The following CD72 variants were observed in gnomAD, a reference collection of about 807,000 sequenced individuals.
CD72 encodes the protein CD72 molecule.
Under a neutral mutation model 50.7 loss-of-function variants are expected in CD72, and 28 were observed. The ratio of observed to expected loss-of-function variants is 0.55; its 90% CI spans 0.41 to 0.76. The LOEUF (loss-of-function observed/expected upper bound fraction) is 0.76. Ranked by LOEUF, CD72 falls within the 30% of genes least tolerant of loss-of-function variation. The probability of loss-of-function intolerance (pLI) is 0.00; values close to 1 mark genes in which losing one functional copy is unlikely to be tolerated. For missense variants in CD72, 403 were observed against 420.6 expected, an observed-to-expected ratio of 0.96 and a Z score of 0.37; for synonymous variants, 176 against 171.2, an observed-to-expected ratio of 1.03 and a Z score of -0.22.
At chr9:35,630,701 T>C (rs2131781719) in intron 1 of CD72, among the ~76,000 whole-genome samples, 1 of 152,312 alleles carries the variant, frequency 6.6e-6, no homozygotes, top group East Asian at 1.9e-4. Flanking sequence ...TTTTACCAGC[T>C]ATTAATAGTA....
intron 1 of CD72, among the ~76,000 whole-genome samples, chr9:35,632,132 A>G (rs929072985): frequency 1.3e-5 from 2 of 151,734 alleles, no homozygotes; most frequent in African/African-American, 2.4e-5. Flanking sequence ...TAAATTTTCA[A>G]ATTGGTTGAT....
chr9:35,618,809 C>T, upstream of CD72: 7 of 1,280,068 alleles, frequency 5.5e-6, no homozygotes, highest in Non-Finnish European at 7.1e-6. Context: ...TCCTGGTTTG[C>T]ATCCCTCGCT....
At position 35,643,715 on chromosome 9, in the gene CD72, C is replaced by T. The variant is rs553914405; in HGVS notation, n.408+2688G>A. 4.6e-5 allele frequency among the ~76,000 whole-genome samples: 7 copies of T among 152,254 alleles called. 1 individual carries two copies. The highest frequency in any genetic ancestry group is 9.6e-5 in the African/African-American group (4 of 41,550). ...AGAAGGGGCCGGGCTGGGTAACTCA[C>T]GCCTGTAATCCCAACACTTTTGGAG... On this transcript the variant is annotated intron_variant and non_coding_transcript_variant, in intron 1 of 3. Coordinates refer to the CD72 transcript ENST00000465754.
chr9:35,644,170 C>A (rs1441039041), intron 1 of CD72, among the ~76,000 whole-genome samples: 1 of 150,886 alleles, frequency 6.6e-6, no homozygotes, highest in African/African-American at 2.4e-5. Context: ...CATGGTGAAA[C>A]CCCATCTCTA....
At chr9:35,615,309 G>A (rs1029445081) in intron 5 of CD72, among the ~76,000 whole-genome samples, 2 of 152,152 alleles carry the variant, frequency 1.3e-5, no homozygotes, top group Non-Finnish European at 2.9e-5. Context: ...CCCCTTAGGC[G>A]TGGCACCTTG....
chr9:35,624,140 A>C (rs2131776536), upstream of CD72, among the ~76,000 whole-genome samples: 1 of 151,572 alleles, frequency 6.6e-6, no homozygotes, highest in East Asian at 1.9e-4. Flanking sequence ...TGAACCTGGG[A>C]GGCGGAGGTT....
chr9:35,641,904 TTCTC>T (rs903389140), intron 1 of CD72, among the ~76,000 whole-genome samples: 1 of 152,200 alleles, frequency 6.6e-6, no homozygotes, highest in Non-Finnish European at 1.5e-5. Context: ...GGAATTCCCT[TTCTC>T]TCCATACTGC....
At chr9:35,630,571 T>G (rs1823236132) in intron 1 of CD72, among the ~76,000 whole-genome samples, 1 of 152,220 alleles carries the variant, frequency 6.6e-6, no homozygotes, top group Non-Finnish European at 1.5e-5. Context: ...CTGTATAACT[T>G]TATTCATATG....
At chr9:35,629,745 G>A (rs775570283) in intron 1 of CD72, among the ~76,000 whole-genome samples, 3 of 152,178 alleles carry the variant, frequency 2.0e-5, no homozygotes, top group Non-Finnish European at 4.4e-5. Flanking sequence ...CGAATGTCCT[G>A]CCACAGAAGG....
intron 2 of CD72, among the ~76,000 whole-genome samples, 166 bp from the exon 3 acceptor site, chr9:35,617,413 C>G (rs532608746): frequency 1.4e-3 from 216 of 152,236 alleles, no homozygotes; most frequent in Non-Finnish European, 2.4e-3. Context: ...CTCCTCTGCC[C>G]GGGACTCTCT....
intron 1 of CD72, among the ~76,000 whole-genome samples, chr9:35,630,039 T>TTC (rs1554649318): frequency 2.7e-5 from 4 of 149,022 alleles, no homozygotes; most frequent in Non-Finnish European, 6.0e-5. Context: ...TTCTTTTCTT[T>TTC]TTTTTTTTTT....
chr9:35,614,014 G>T (rs947136505), intron 5 of CD72, among the ~76,000 whole-genome samples: 1 of 147,400 alleles, frequency 6.8e-6, no homozygotes, highest in African/African-American at 2.5e-5. Context: ...GCGAGACTCC[G>T]CCTCAAAAAA....
chr9:35,618,783 C>T, upstream of CD72: 1 of 1,288,236 alleles, frequency 7.8e-7, no homozygotes, highest in Non-Finnish European at 1.0e-6. Flanking sequence ...TCCGTTCTCC[C>T]CATGAGACTG....
intron 6 of CD72, among the ~76,000 whole-genome samples, chr9:35,612,231 A>G (rs546516258): frequency 4.6e-5 from 7 of 152,334 alleles, no homozygotes; most frequent in African/African-American, 1.4e-4. Flanking sequence ...AGAGGCCACA[A>G]GAGTCCAGGA....
At chr9:35,619,851 T>G (rs995369951), upstream of CD72, among the ~76,000 whole-genome samples, 1 of 152,146 alleles carries the variant, frequency 6.6e-6, no homozygotes, top group Admixed American at 6.5e-5. Context: ...TCGTCAAAGG[T>G]CATCACAAGA....
At chr9:35,638,091 C>T (rs1005130835) in intron 1 of CD72, among the ~76,000 whole-genome samples, 3 of 152,182 alleles carry the variant, frequency 2.0e-5, no homozygotes, top group Non-Finnish European at 4.4e-5. Context: ...GTCTATCCTA[C>T]AAGACCTAGA....
chr9:35,632,656 A>C (rs542831572), intron 1 of CD72, among the ~76,000 whole-genome samples: 3 of 149,358 alleles, frequency 2.0e-5, no homozygotes, highest in East Asian at 4.0e-4. Context: ...GGCTCACTGC[A>C]ACCTCTACCT....
intron 1 of CD72, among the ~76,000 whole-genome samples, chr9:35,645,944 G>C (rs1823388510): frequency 6.6e-6 from 1 of 152,060 alleles, no homozygotes; most frequent in Admixed American, 6.5e-5. Flanking sequence ...CGGATCACCT[G>C]AAGTCAGGAG....
intron 7 of CD72, among the ~76,000 whole-genome samples, chr9:35,611,017 C>T (rs1563893929): frequency 6.6e-6 from 1 of 152,078 alleles, no homozygotes; most frequent in African/African-American, 2.4e-5. Context: ...TTTGGGAGGC[C>T]AAGGCGGGTG....
Sources: allele counts gnomAD v4.1 joint callset (sites outside exome capture counted in the v4.1 genomes callset), GRCh38; gene constraint gnomAD v4.1.1; transcripts MANE v1.5; gene names NCBI Gene and HGNC (gene_info 2026-07-23, HGNC 2026-07-21).